The following DENND11 variants were observed in gnomAD, a reference collection of about 807,000 sequenced individuals.
The protein encoded by DENND11 is DENN domain containing 11.
Under a neutral mutation model 49.2 loss-of-function variants are expected in DENND11, and 34 were observed. That is an observed-to-expected ratio of 0.69 (90% confidence interval 0.53 to 0.92). The LOEUF (loss-of-function observed/expected upper bound fraction) is 0.92, where lower values mean the gene tolerates loss of function less well. Ranked by LOEUF, DENND11 falls within the 40% of genes least tolerant of loss-of-function variation. The pLI is 0.00. For missense variants in DENND11, 475 were observed against 581.6 expected, an observed-to-expected ratio of 0.82 and a Z score of 1.88; for synonymous variants, 238 against 230.3, an observed-to-expected ratio of 1.03 and a Z score of -0.30.
intron 1 of DENND11, among the ~76,000 whole-genome samples, chr7:141,694,925 C>T (rs553000809): frequency 5.9e-5 from 9 of 152,334 alleles, no homozygotes; most frequent in Admixed American, 3.3e-4. Flanking sequence ...GACAGCCCCC[C>T]TCCCACCACA....
intron 4 of DENND11, among the ~76,000 whole-genome samples, chr7:141,668,993 C>G (rs1054772783): frequency 6.6e-6 from 1 of 152,210 alleles, no homozygotes; most frequent in Non-Finnish European, 1.5e-5. Context: ...TAACCACTGT[C>G]AGTTCAGTGT....
chr7:141,667,087 A>G (rs973616219), intron 4 of DENND11, among the ~76,000 whole-genome samples: 2 of 152,090 alleles, frequency 1.3e-5, no homozygotes, highest in African/African-American at 4.8e-5. Context: ...TGCCCGGCTA[A>G]TTTTTGTATT....
intron 7 of DENND11, among the ~76,000 whole-genome samples, chr7:141,664,636 A>T (rs1321579864): frequency 6.6e-6 from 1 of 152,232 alleles, no homozygotes; most frequent in East Asian, 1.9e-4. Flanking sequence ...AGCAGCTGGC[A>T]GCTAAGGTAA....
At chr7:141,691,891 A>G (rs769848335) in intron 1 of DENND11, among the ~76,000 whole-genome samples, 7 of 152,136 alleles carry the variant, frequency 4.6e-5, no homozygotes, top group African/African-American at 1.7e-4. Context: ...TGCCTTGCAC[A>G]GGACAGAATG....
intron 1 of DENND11, among the ~76,000 whole-genome samples, chr7:141,688,004 C>T (rs938083081): frequency 1.3e-5 from 2 of 152,058 alleles, no homozygotes; most frequent in Admixed American, 1.3e-4. Context: ...TGGTCTTCAA[C>T]TCCTGACCTC....
At chr7:141,694,572 T>A (rs1264707198) in intron 1 of DENND11, among the ~76,000 whole-genome samples, 1 of 152,178 alleles carries the variant, frequency 6.6e-6, no homozygotes, top group Non-Finnish European at 1.5e-5. Context: ...CAGCCCATAC[T>A]GAAAAATTTA....
chr7:141,701,744 G>T, intron 1 of DENND11, 142 bp downstream of exon 1: 2 of 671,216 alleles, frequency 3.0e-6, no homozygotes, highest in South Asian at 7.1e-5. Context: ...CCTTCCCCAA[G>T]CCCGGGAGCC....
At chr7:141,674,707 A>T (rs1798039153) in intron 3 of DENND11, among the ~76,000 whole-genome samples, 1 of 152,162 alleles carries the variant, frequency 6.6e-6, no homozygotes, top group African/African-American at 2.4e-5. Flanking sequence ...GTCTCAAATA[A>T]GGGAAAACAA....
intron 8 of DENND11, among the ~76,000 whole-genome samples, 155 bp downstream of exon 8, chr7:141,664,017 C>T (rs1404619954): frequency 1.3e-5 from 2 of 152,188 alleles, no homozygotes; most frequent in East Asian, 3.9e-4. Context: ...CATTTCAGGG[C>T]TCAGGTTTGC....
At chr7:141,681,321 C>T (rs1392992334) in intron 3 of DENND11, among the ~76,000 whole-genome samples, 1 of 152,174 alleles carries the variant, frequency 6.6e-6, no homozygotes, top group African/African-American at 2.4e-5. Flanking sequence ...GTCATGTGTT[C>T]TAAATTTGGC....
At position 141,687,783 on chromosome 7, in the gene DENND11, T is replaced by C. The variant is rs372225164; in HGVS notation, c.269-1125A>G. Among the ~76,000 whole-genome samples the C allele has an allele frequency of 3.1e-3, 473 of 152,136 alleles. 4 individuals carry two copies. The highest frequency in any genetic ancestry group is 0.011 in the African/African-American group (448 of 41,490). On this transcript the variant is annotated intron_variant, in intron 1 of 8. Transcript: ENST00000536163. ...CCCAGTAGCTGGGACTACAGGCACCTGCCACCAGGCCCGGCTAATTTTTTG... is the reference window on the plus strand; with the variant it reads ...CCCAGTAGCTGGGACTACAGGCACCCGCCACCAGGCCCGGCTAATTTTTTG...
At chr7:141,667,603 AAG>A (rs1272118981) in intron 4 of DENND11, among the ~76,000 whole-genome samples, 1 of 152,180 alleles carries the variant, frequency 6.6e-6, no homozygotes, top group East Asian at 1.9e-4. Context: ...TGCCAGAAGA[AAG>A]AGCTCATCAC....
At chr7:141,693,626 G>A (rs544828000) in intron 1 of DENND11, among the ~76,000 whole-genome samples, 13 of 152,236 alleles carry the variant, frequency 8.5e-5, no homozygotes, top group Middle Eastern at 6.8e-3. Context: ...TAAATAAAAC[G>A]TGAGATATCC....
chr7:141,668,502 C>A (rs1368746966), intron 4 of DENND11, among the ~76,000 whole-genome samples: 1 of 152,194 alleles, frequency 6.6e-6, no homozygotes, highest in Non-Finnish European at 1.5e-5. Context: ...AGAAGAATTG[C>A]TTGAATCTGG....
At chr7:141,698,369 A>G (rs975491621) in intron 1 of DENND11, among the ~76,000 whole-genome samples, 1 of 152,232 alleles carries the variant, frequency 6.6e-6, no homozygotes, top group Non-Finnish European at 1.5e-5. Context: ...AAACAGCAAT[A>G]TTCTGGCTTC....
chr7:141,686,718 G>T, intron 1 of DENND11, 60 bp from the exon 2 acceptor site: 1 of 1,175,054 alleles, frequency 8.5e-7, no homozygotes, highest in South Asian at 1.3e-5. Context: ...AAATGGGTTA[G>T]TACAGGGCTT....
Position 141,689,215 on chromosome 7 carries a change from A to G in DENND11, c.269-2557T>C, listed in dbSNP as rs561341412. On this transcript the variant is annotated intron_variant, in intron 1 of 8. Coordinates refer to ENST00000536163, the MANE Select transcript of DENND11 (RefSeq NM_001080392.2). ...ATGGAATCAACCCAAATGCCTATCA[A>G]TGGTAGACCGGATAAAGAAAATGCG... 2.0e-5 allele frequency among the ~76,000 whole-genome samples: 3 copies of G among 152,370 alleles called. No homozygotes were observed. In the South Asian group the frequency reaches 6.2e-4, roughly 32 times the overall value.
intron 1 of DENND11, among the ~76,000 whole-genome samples, chr7:141,700,541 AT>A (rs1211404746): frequency 6.6e-6 from 1 of 152,096 alleles, no homozygotes; most frequent in Non-Finnish European, 1.5e-5. Flanking sequence ...GCACTACTTC[AT>A]GAAATGTCTA....
chr7:141,674,369 T>C (rs1228557074), intron 3 of DENND11, 149 bp from the exon 4 acceptor site: 3 of 1,365,394 alleles, frequency 2.2e-6, no homozygotes, highest in Non-Finnish European at 2.8e-6. Flanking sequence ...GATCCCCATT[T>C]GGAGGTTGCT....
Sources: gnomAD v4.1 joint callset for allele counts (sites outside exome capture counted in the v4.1 genomes callset) on GRCh38, gnomAD v4.1.1 for gene constraint, MANE v1.5 for transcripts, NCBI Gene and HGNC (gene_info 2026-07-23, HGNC 2026-07-21) for gene names.